Variants in ZZEF1 observed in about 807,000 individuals in gnomAD.
The protein encoded by ZZEF1 is zinc finger ZZ-type and EF-hand domain containing 1.
A neutral mutation model predicts 342.8 loss-of-function variants in ZZEF1; 157 were observed. That is an observed-to-expected ratio of 0.46 (90% CI 0.40 to 0.52). The LOEUF is 0.52. Among genes scored for constraint, ZZEF1 ranks in the 20% least tolerant of loss-of-function variants. The probability of loss-of-function intolerance (pLI) is 0.00; values close to 1 mark genes in which losing one functional copy is unlikely to be tolerated. For synonymous variants in ZZEF1, 1,505 were observed against 1,429.1 expected (o/e 1.05, Z -1.20); for missense variants, 3,480 against 3,725.6 (o/e 0.93, Z 1.72).
intron 42 of ZZEF1, among the ~76,000 whole-genome samples, chr17:4,029,473 T>G (rs1348398588): frequency 2.6e-5 from 4 of 151,806 alleles, no homozygotes; most frequent in Non-Finnish European, 5.9e-5. Context: ...ATGTTCCTAC[T>G]GAATCCAAGG....
At chr17:4,072,479 T>C in intron 25 of ZZEF1, 129 bp downstream of exon 25, 1 of 1,162,224 alleles carries the variant, frequency 8.6e-7, no homozygotes, top group Non-Finnish European at 1.2e-6. Context: ...AAGGTATAGT[T>C]TCTGGCCTCA....
intron 37 of ZZEF1, among the ~76,000 whole-genome samples, chr17:4,048,194 G>C (rs2056966273): frequency 6.6e-6 from 1 of 152,180 alleles, no homozygotes; most frequent in Non-Finnish European, 1.5e-5. Flanking sequence ...ATCCGTGGGT[G>C]GTTAAAGTGC....
intron 9 of ZZEF1, among the ~76,000 whole-genome samples, chr17:4,100,934 C>A (rs1298265174): frequency 6.6e-6 from 1 of 152,058 alleles, no homozygotes; most frequent in Non-Finnish European, 1.5e-5. Flanking sequence ...ATGCAGAGGG[C>A]CTTTGGCAGG....
At position 4,114,249 on chromosome 17, in the gene ZZEF1, GA is replaced by G. The variant is rs766466782; in HGVS notation, c.866+49del. The G allele has an allele frequency of 1.4e-5, 20 of 1,394,322 alleles. No homozygotes were observed. In the African/African-American group the frequency reaches 2.4e-4, roughly 16 times the overall value. 86.4% of individuals were successfully genotyped at this position (1,394,322 alleles called of 1,614,324 possible). On this transcript the variant is annotated intron_variant, in intron 4 of 54. Coordinates refer to ENST00000381638, the MANE Select transcript of ZZEF1 (RefSeq NM_015113.4). ...AATACAAAGAGTAGGCAGTTAAGAA[GA>G]AAACAATCCAAAATTTTAAAAAACA... is the stretch of plus-strand genomic sequence containing the variant.
At chr17:4,142,288 C>G (rs2058868957) in intron 1 of ZZEF1, among the ~76,000 whole-genome samples, 1 of 152,218 alleles carries the variant, frequency 6.6e-6, no homozygotes, top group African/African-American at 2.4e-5. Context: ...ATCAACTGCA[C>G]AAAGGTCTGC....
chr17:4,019,827 G>A (rs951537101), intron 45 of ZZEF1, 58 bp from the exon 46 acceptor site: 3 of 1,325,896 alleles, frequency 2.3e-6, no homozygotes, highest in African/African-American at 3.0e-5. Context: ...ATACGGTATT[G>A]ATCAACTGAA....
rs10596346 is a variant in ZZEF1 at position 4,056,667 on chromosome 17, G to GTTA, written c.5166-325_5166-323dup. ...GTGCCAGGCACTAGGGCCAAATAAA[G>GTTA]TTATTATTATTATTATTATTATTAT... On this transcript the variant is annotated intron_variant, in intron 32 of 54. Coordinates refer to ENST00000381638, the MANE Select transcript of ZZEF1 (RefSeq NM_015113.4). 6.8e-3 allele frequency: 1,036 copies of GTTA among 152,706 alleles called. 6 individuals carry two copies. Among genetic ancestry groups the GTTA allele is most frequent in the Middle Eastern group, 0.023 (7 of 298 alleles). 9.5% of individuals were successfully genotyped at this position (152,706 alleles called of 1,614,324 possible).
chr17:4,076,913 T>C lies in ZZEF1; in HGVS notation c.3066A>G (p.Val1022=). ...LFSQYSGKTI[V]ERLCNSVFSM... ...AAAACACTGAGTTACATAATCTTTCTACTATGGTTTTTCCACTGTACTGTG... is the reference window on the plus strand; with the variant it reads ...AAAACACTGAGTTACATAATCTTTCCACTATGGTTTTTCCACTGTACTGTG... Residue 1022 remains valine, a synonymous_variant, in exon 20 of 55, where the codon GTA becomes GTG. Transcript: ENST00000381638. The C allele has an allele frequency of 6.2e-7, 1 of 1,614,246 alleles. No homozygotes were observed. The highest frequency in any genetic ancestry group is 8.5e-7 in the Non-Finnish European group (1 of 1,180,036).
In ZZEF1 at chr17:4,077,950, C is replaced by T; in HGVS notation, c.2922G>A (p.Trp974Ter). ...FWSVQGSLLSWCYLQLKSTDS... is the reference protein window; with the variant it reads ...FWSVQGSLLS ...CCGTGCTCTTCAGCTGCAGGTAGCA[C>T]CAGGATAGCAGGCTGCCTTGGACGG... The change falls in exon 19 of 55, where the codon TGG (tryptophan) becomes TGA (stop). Residue 974 changes from tryptophan to a stop codon, truncating the protein, a stop_gained. Transcript: ENST00000381638. LOFTEE classifies it high-confidence loss of function. 3 of 1,614,134 alleles carry T rather than the reference C, an allele frequency of 1.9e-6. No individual in the cohort carries two copies. Among genetic ancestry groups the T allele is most frequent in the Non-Finnish European group, 2.5e-6 (3 of 1,180,022 alleles).
In ZZEF1 at chr17:4,112,659, T is replaced by C. The variant is rs758786625; in HGVS notation, c.1016A>G (p.Asn339Ser). 10 of 1,614,226 alleles carry C rather than the reference T, an allele frequency of 6.2e-6. No homozygotes were observed. The highest frequency in any genetic ancestry group is 2.2e-5 in the East Asian group (1 of 44,890). The change falls in exon 5 of 55, where the codon AAT (asparagine) becomes AGT (serine). Residue 339 changes from asparagine to serine, a missense_variant. This residue lies in a region of ZZEF1 where 92 missense variants were observed against 130.3 expected (regional missense o/e 0.71). Transcript: ENST00000381638. ...QEVRDVHIPS[N>S]VTGYVTLLEN... ...CAGCAGCGTCACATAGCCAGTGACATTGCTGGGGATGTGCACATCTCGGAC... is the reference window on the plus strand; with the variant it reads ...CAGCAGCGTCACATAGCCAGTGACACTGCTGGGGATGTGCACATCTCGGAC...
intron 1 of ZZEF1, among the ~76,000 whole-genome samples, chr17:4,127,898 C>A (rs796253550): frequency 6.6e-6 from 1 of 152,172 alleles, no homozygotes; most frequent in Admixed American, 6.5e-5. Context: ...GATCTCCCAA[C>A]GAAAGGGCCA....
At chr17:4,034,399 G>T in intron 39 of ZZEF1, 107 bp from the exon 40 acceptor site, 1 of 1,160,006 alleles carries the variant, frequency 8.6e-7, no homozygotes, top group Non-Finnish European at 1.2e-6. Flanking sequence ...TAGTGCTAAC[G>T]GAATCATGCT....
intron 30 of ZZEF1, among the ~76,000 whole-genome samples, chr17:4,061,815 G>GTAT (rs2057292689): frequency 1.3e-5 from 2 of 152,008 alleles, no homozygotes; most frequent in Non-Finnish European, 2.9e-5. Flanking sequence ...CCCATCTCCA[G>GTAT]TATTATTCTC....
At chr17:4,141,636 T>C (rs754729315) in intron 1 of ZZEF1, among the ~76,000 whole-genome samples, 3 of 151,966 alleles carry the variant, frequency 2.0e-5, no homozygotes, top group Non-Finnish European at 4.4e-5. Context: ...TAAACCACCA[T>C]GGCACACGTT....
chr17:4,053,825 T>A (rs1373187031), intron 34 of ZZEF1, among the ~76,000 whole-genome samples: 1 of 152,228 alleles, frequency 6.6e-6, no homozygotes, highest in Non-Finnish European at 1.5e-5. Flanking sequence ...CCCGAGTGTT[T>A]ATTATGTGGC....
At chr17:4,109,468 AC>A (rs2058262303) in intron 6 of ZZEF1, among the ~76,000 whole-genome samples, 184 bp downstream of exon 6, 1 of 152,146 alleles carries the variant, frequency 6.6e-6, no homozygotes, top group African/African-American at 2.4e-5. Context: ...TAAAGTCAGA[AC>A]GTCAATCAAA....
intron 29 of ZZEF1, 122 bp downstream of exon 29, chr17:4,064,239 A>G: frequency 1.2e-6 from 1 of 829,696 alleles, no homozygotes. Flanking sequence ...ATATTCTAAA[A>G]CAAGTCTTGA....
At chr17:4,019,955 T>C in intron 45 of ZZEF1, 186 bp from the exon 46 acceptor site, 2 of 501,638 alleles carry the variant, frequency 4.0e-6, no homozygotes, top group Non-Finnish European at 6.9e-6. Flanking sequence ...CTATAACACC[T>C]ACACTACGAC....
chr17:4,135,292 A>G (rs2058730756), intron 1 of ZZEF1, among the ~76,000 whole-genome samples: 1 of 152,180 alleles, frequency 6.6e-6, no homozygotes, highest in African/African-American at 2.4e-5. Flanking sequence ...CCTGGGTAAC[A>G]TGATGAAACC....
Sources: allele counts gnomAD v4.1 joint callset (sites outside exome capture counted in the v4.1 genomes callset), GRCh38; gene constraint gnomAD v4.1.1; regional missense constraint gnomAD v4.1.1; transcripts MANE v1.5; gene names NCBI Gene and HGNC (gene_info 2026-07-23, HGNC 2026-07-21).